Variants in ITGA9 observed in about 807,000 individuals in gnomAD.
The protein encoded by ITGA9 is integrin subunit alpha 9.
ITGA9 carries 56 observed loss-of-function variants against 127.8 expected under a neutral mutation model. The observed-to-expected ratio is 0.44, with a 90% CI of 0.35 to 0.55. The LOEUF is 0.55. Ranked by LOEUF, ITGA9 falls within the 20% of genes least tolerant of loss-of-function variation. ITGA9 has a pLI of 0.00. For missense variants in ITGA9, 1,196 were observed against 1,347.1 expected, an observed-to-expected ratio of 0.89 and a Z score of 1.76; for synonymous variants, 508 against 514.5, an observed-to-expected ratio of 0.99 and a Z score of 0.17.
chr3:37,510,631 T>A (rs1020322690), intron 8 of ITGA9, among the ~76,000 whole-genome samples: 1 of 152,102 alleles, frequency 6.6e-6, no homozygotes. Flanking sequence ...TGCCATTGAG[T>A]TCCAGGACAG....
intron 8 of ITGA9, among the ~76,000 whole-genome samples, chr3:37,512,373 C>G (rs996654325): frequency 1.3e-5 from 2 of 151,242 alleles, no homozygotes; most frequent in African/African-American, 4.9e-5. Flanking sequence ...GTGCCTGCCA[C>G]CACGCCTGGC....
In ITGA9 at chr3:37,718,438, C is replaced by T. The variant is rs868368135; in HGVS notation, c.2068-14274C>T. Among the ~76,000 whole-genome samples, 3 of 152,272 alleles carry T rather than the reference C, an allele frequency of 2.0e-5. No individual in the cohort carries two copies. The Middle Eastern group carries it at 0.01, about 518-fold the overall frequency. ...AGAGAGGACCATAATACCAGGGTTCCTCAGTCCTCACCAGCATAAGAATCC... is the reference window on the plus strand; with the variant it reads ...AGAGAGGACCATAATACCAGGGTTCTTCAGTCCTCACCAGCATAAGAATCC... On this transcript the variant is annotated intron_variant, in intron 18 of 27. Coordinates refer to ENST00000264741, the MANE Select transcript of ITGA9 (RefSeq NM_002207.3).
At chr3:37,479,421 T>C (rs1175760723) in intron 3 of ITGA9, among the ~76,000 whole-genome samples, 1 of 152,224 alleles carries the variant, frequency 6.6e-6, no homozygotes, top group Non-Finnish European at 1.5e-5. Flanking sequence ...TTGAGAGTCA[T>C]TCTGAGTGTG....
intron 12 of ITGA9, 101 bp downstream of exon 12, chr3:37,523,712 T>G: frequency 1.2e-6 from 1 of 858,184 alleles, no homozygotes; most frequent in Non-Finnish European, 2.0e-6. Flanking sequence ...CCATTTAGGA[T>G]TAGGACAATT....
intron 22 of ITGA9, chr3:37,748,938 T>A: frequency 1.5e-6 from 1 of 688,496 alleles, no homozygotes; most frequent in Non-Finnish European, 2.6e-6. Context: ...TCTGGACTGT[T>A]TAAAAAAAAA....
rs1575187703 is a variant in ITGA9, at chr3:37,672,503, TA to T, written c.1917-11361del. ...GTGAGTCAATTAAACCTCTTTCCTT[TA>T]TAAATTACCCAGTCTCAAGTATATC... On this transcript the variant is annotated intron_variant, in intron 17 of 27. Coordinates refer to ENST00000264741, the MANE Select transcript of ITGA9 (RefSeq NM_002207.3). Among the ~76,000 whole-genome samples the T allele has an allele frequency of 2.0e-5, 3 of 152,296 alleles. No homozygotes were observed. In the East Asian group the frequency reaches 5.8e-4, roughly 29 times the overall value.
chr3:37,740,096 G>A (rs1222143762), intron 20 of ITGA9, among the ~76,000 whole-genome samples: 1 of 152,202 alleles, frequency 6.6e-6, no homozygotes, highest in African/African-American at 2.4e-5. Context: ...AACAATAGGA[G>A]GGAGAAGGAG....
At chr3:37,743,744 A>G (rs1206882215) in intron 21 of ITGA9, among the ~76,000 whole-genome samples, 182 bp from the exon 22 acceptor site, 17 of 152,212 alleles carry the variant, frequency 1.1e-4, no homozygotes, top group Admixed American at 1.1e-3. Context: ...CTAAGATGAG[A>G]AGACACTACT....
At chr3:37,740,764 C>A (rs1696423562) in intron 20 of ITGA9, among the ~76,000 whole-genome samples, 1 of 152,172 alleles carries the variant, frequency 6.6e-6, no homozygotes, top group African/African-American at 2.4e-5. Context: ...GCATCAATTC[C>A]CTCATGTTCA....
intron 23 of ITGA9, among the ~76,000 whole-genome samples, chr3:37,770,442 A>G (rs1324453039): frequency 6.6e-6 from 1 of 152,080 alleles, no homozygotes; most frequent in East Asian, 1.9e-4. Context: ...GCCCTGTGGG[A>G]GGAAACCTGT....
At chr3:37,458,378 C>CA (rs1482267568) in intron 1 of ITGA9, among the ~76,000 whole-genome samples, 1 of 152,146 alleles carries the variant, frequency 6.6e-6, no homozygotes, top group Non-Finnish European at 1.5e-5. Context: ...CTGTGAAAGA[C>CA]AAATGGGGAA....
intron 3 of ITGA9, among the ~76,000 whole-genome samples, chr3:37,476,529 A>T (rs1368313937): frequency 6.6e-6 from 1 of 151,884 alleles, no homozygotes; most frequent in Admixed American, 6.6e-5. Flanking sequence ...CCCAATTTTA[A>T]ATTGGATTGT....
At chr3:37,651,005 A>G (rs1386876900) in intron 16 of ITGA9, among the ~76,000 whole-genome samples, 1 of 152,212 alleles carries the variant, frequency 6.6e-6, no homozygotes, top group Non-Finnish European at 1.5e-5. Flanking sequence ...AAATAGGATT[A>G]CACTTTGAAT....
chr3:37,742,784 A>G (rs1696454445), intron 21 of ITGA9, among the ~76,000 whole-genome samples: 1 of 152,232 alleles, frequency 6.6e-6, no homozygotes, highest in Non-Finnish European at 1.5e-5. Context: ...CAGTGGAATG[A>G]GTCTCCAAGC....
intron 15 of ITGA9, among the ~76,000 whole-genome samples, chr3:37,560,413 T>C (rs1000083563): frequency 6.6e-6 from 1 of 152,196 alleles, no homozygotes; most frequent in African/African-American, 2.4e-5. Flanking sequence ...AATAAACATA[T>C]GTGTGCATGT....
At chr3:37,515,245 G>A (rs754515367) in intron 9 of ITGA9, among the ~76,000 whole-genome samples, 1 of 152,166 alleles carries the variant, frequency 6.6e-6, no homozygotes, top group Non-Finnish European at 1.5e-5. Context: ...CTGGATAGAT[G>A]TTTAGTTTTA....
At chr3:37,546,249 G>A (rs765116332) in intron 15 of ITGA9, among the ~76,000 whole-genome samples, 4 of 152,116 alleles carry the variant, frequency 2.6e-5, no homozygotes, top group Non-Finnish European at 4.4e-5. Context: ...CTGATAAAGC[G>A]CCCACTCCAT....
intron 7 of ITGA9, among the ~76,000 whole-genome samples, chr3:37,506,960 C>T (rs550990488): frequency 1.3e-5 from 2 of 152,252 alleles, no homozygotes; most frequent in African/African-American, 4.8e-5. Flanking sequence ...GTAATTGGAG[C>T]CTTCAGCCAG....
chr3:37,481,460 C>G (rs755753543), intron 3 of ITGA9, 24 bp from the exon 4 acceptor site: 2 of 1,614,156 alleles, frequency 1.2e-6, no homozygotes, highest in South Asian at 2.2e-5. Context: ...CTTTCCTGCT[C>G]TCAACTGCTC....
Sources: gnomAD v4.1 joint callset for allele counts (sites outside exome capture counted in the v4.1 genomes callset) on GRCh38, gnomAD v4.1.1 for gene constraint, MANE v1.5 for transcripts, NCBI Gene and HGNC (gene_info 2026-07-23, HGNC 2026-07-21) for gene names.